Variants in ERBB4 observed in about 807,000 individuals in gnomAD.
ERBB4 encodes the protein receptor tyrosine-protein kinase erbB-4.
Under a neutral mutation model 158.0 loss-of-function variants are expected in ERBB4, and 42 were observed. The ratio of observed to expected loss-of-function variants is 0.27; its 90% CI spans 0.21 to 0.34. The LOEUF is 0.34. Ranked by LOEUF, ERBB4 falls within the 10% of genes least tolerant of loss-of-function variation. The pLI, the probability that ERBB4 is intolerant of heterozygous loss-of-function variation, is 1.00. For synonymous variants in ERBB4, 583 were observed against 558.7 expected, an observed-to-expected ratio of 1.04 and a Z score of -0.61; for missense variants, 1,333 against 1,624.1, an observed-to-expected ratio of 0.82 and a Z score of 3.08.
intron 1 of ERBB4, among the ~76,000 whole-genome samples, chr2:212,258,368 A>G (rs1268111079): frequency 1.3e-5 from 2 of 151,786 alleles, no homozygotes; most frequent in African/African-American, 4.8e-5. Flanking sequence ...TACCTAAACA[A>G]AACTGTATCA....
intron 20 of ERBB4, among the ~76,000 whole-genome samples, chr2:211,520,476 T>C (rs1486735072): frequency 6.6e-6 from 1 of 152,018 alleles, no homozygotes; most frequent in Non-Finnish European, 1.5e-5. Flanking sequence ...AAACTAAGAA[T>C]GGTTTTTACA....
intron 2 of ERBB4, among the ~76,000 whole-genome samples, chr2:211,979,362 T>C (rs2081725263): frequency 6.6e-6 from 1 of 152,178 alleles, no homozygotes; most frequent in Non-Finnish European, 1.5e-5. Context: ...ATATCAAGTT[T>C]ATGTATTTTC....
intron 1 of ERBB4, among the ~76,000 whole-genome samples, chr2:212,422,885 C>G (rs2091827795): frequency 6.6e-6 from 1 of 152,054 alleles, no homozygotes; most frequent in Admixed American, 6.6e-5. Flanking sequence ...AAAATGAATC[C>G]TTTCAGACCT....
chr2:212,223,332 T>TTATATA (rs58824300), intron 1 of ERBB4, among the ~76,000 whole-genome samples: 7 of 144,172 alleles, frequency 4.9e-5, no homozygotes, highest in East Asian at 2.0e-4. Context: ...CTTATTAAGC[T>TTATATA]TATATATATA....
chr2:211,567,802 T>TC (rs2067595547), intron 19 of ERBB4, among the ~76,000 whole-genome samples: 2 of 151,140 alleles, frequency 1.3e-5, no homozygotes, highest in South Asian at 4.2e-4. Context: ...TTTTTTTTTT[T>TC]CATAAAAGAA....
chr2:211,387,587 T>C (rs183224713), intron 26 of ERBB4, among the ~76,000 whole-genome samples: 1 of 152,318 alleles, frequency 6.6e-6, no homozygotes, highest in East Asian at 1.9e-4. Context: ...TCTGTGGTTA[T>C]TATGAATTTG....
At position 211,484,720 on chromosome 2, in the gene ERBB4, A is replaced by G. The variant is rs74851897; in HGVS notation, c.2488-53620T>C. Among the ~76,000 whole-genome samples, 677 of 152,334 alleles carry G rather than the reference A, an allele frequency of 4.4e-3. 9 individuals are homozygous for G. The highest frequency in any genetic ancestry group is 0.015 in the African/African-American group (633 of 41,582). ...CTTCAAAATATTTAAACCAAGAGTG[A>G]AAAGAACTACAACGATTCTTTTAAA... On this transcript the variant is annotated intron_variant, in intron 20 of 27. Transcript: ENST00000342788.
At chr2:212,481,883 G>A (rs114353805) in intron 1 of ERBB4, among the ~76,000 whole-genome samples, 1,649 of 152,260 alleles carry the variant, frequency 0.011, 28 homozygotes, top group African/African-American at 0.037. Context: ...GTTTAAAAGA[G>A]TTCAGCACCA....
At chr2:212,036,672 G>T (rs985606648) in intron 2 of ERBB4, among the ~76,000 whole-genome samples, 3 of 152,088 alleles carry the variant, frequency 2.0e-5, no homozygotes, top group African/African-American at 7.2e-5. Flanking sequence ...CACCGTGTTA[G>T]TCAGGATGCT....
At chr2:211,514,352 G>T (rs770578197) in intron 20 of ERBB4, among the ~76,000 whole-genome samples, 13 of 152,130 alleles carry the variant, frequency 8.5e-5, no homozygotes, top group Non-Finnish European at 1.6e-4. Context: ...TGAGCAAGGT[G>T]AGCCTCCTCT....
At chr2:211,826,346 G>C (rs2077098662) in intron 3 of ERBB4, among the ~76,000 whole-genome samples, 1 of 151,750 alleles carries the variant, frequency 6.6e-6, no homozygotes, top group South Asian at 2.1e-4. Context: ...TATTGGTCCT[G>C]TCTTTATGGA....
At chr2:211,429,106 T>C (rs1277216868) in intron 21 of ERBB4, among the ~76,000 whole-genome samples, 1 of 152,130 alleles carries the variant, frequency 6.6e-6, no homozygotes, top group Non-Finnish European at 1.5e-5. Context: ...TAACATTCAG[T>C]AATTAAGTTG....
chr2:211,867,853 A>C (rs2078248106), intron 3 of ERBB4, among the ~76,000 whole-genome samples: 1 of 152,204 alleles, frequency 6.6e-6, no homozygotes, highest in Admixed American at 6.5e-5. Flanking sequence ...CAGCTGTTGC[A>C]CTATGTATGT....
At position 211,653,681 on chromosome 2, in the gene ERBB4, G is replaced by C. The variant is rs184649257; in HGVS notation, c.1946+4073C>G. Among the ~76,000 whole-genome samples the C allele has an allele frequency of 4.1e-3, 630 of 151,862 alleles. 5 individuals carry two copies. Among genetic ancestry groups the C allele is most frequent in the African/African-American group, 0.015 (601 of 41,426 alleles). On this transcript the variant is annotated intron_variant, in intron 16 of 27. Transcript: ENST00000342788. ...TCAAAACAATTATTTTCTTTTTTGG[G>C]GGGGTTTGAGGGGGACAGTGTCTTG...
At chr2:212,015,992 A>G (rs150002217) in intron 2 of ERBB4, among the ~76,000 whole-genome samples, 1 of 151,984 alleles carries the variant, frequency 6.6e-6, no homozygotes, top group East Asian at 1.9e-4. Context: ...AGAAATATCT[A>G]TAATTAGATT....
intron 2 of ERBB4, among the ~76,000 whole-genome samples, chr2:212,001,055 A>G (rs1179251935): frequency 1.3e-5 from 2 of 152,064 alleles, no homozygotes; most frequent in African/African-American, 4.8e-5. Context: ...CTAATATGAA[A>G]TATGGTTTCC....
At chr2:212,233,706 C>T (rs1320029190) in intron 1 of ERBB4, among the ~76,000 whole-genome samples, 1 of 151,948 alleles carries the variant, frequency 6.6e-6, no homozygotes, top group Non-Finnish European at 1.5e-5. Context: ...CTCTTGTGTT[C>T]TATAATATGT....
intron 2 of ERBB4, among the ~76,000 whole-genome samples, chr2:211,973,148 T>C (rs528130192): frequency 2.0e-5 from 3 of 151,148 alleles, no homozygotes; most frequent in Non-Finnish European, 3.0e-5. Flanking sequence ...AGAAGACATA[T>C]GTGTGGCCAA....
chr2:212,302,635 C>T (rs945732167), intron 1 of ERBB4, among the ~76,000 whole-genome samples: 1 of 151,410 alleles, frequency 6.6e-6, no homozygotes, highest in Non-Finnish European at 1.5e-5. Context: ...TCTCAAAAGT[C>T]AAATAATTTC....
Sources: gnomAD v4.1 joint callset for allele counts (sites outside exome capture counted in the v4.1 genomes callset) on GRCh38, gnomAD v4.1.1 for gene constraint, MANE v1.5 for transcripts, NCBI Gene and HGNC (gene_info 2026-07-23, HGNC 2026-07-21) for gene names.